Variants in TCTN2 observed in about 807,000 individuals in gnomAD.
TCTN2 encodes tectonic-2.
In TCTN2, 66 loss-of-function variants were observed where a neutral mutation model predicts 83.4. The observed-to-expected ratio is 0.79, with a 90% CI of 0.65 to 0.97. The LOEUF (loss-of-function observed/expected upper bound fraction) is 0.97. Among genes scored for constraint, TCTN2 ranks in the 50% least tolerant of loss-of-function variants. The pLI, the probability that TCTN2 is intolerant of heterozygous loss-of-function variation, is 0.00. For missense variants in TCTN2, 794 were observed against 858.1 expected (o/e 0.93, Z 0.93); for synonymous variants, 301 against 326.7 (o/e 0.92, Z 0.85).
Position 123,694,907 on chromosome 12 carries a change from T to C in TCTN2, c.1165T>C (p.Trp389Arg), listed in dbSNP as rs200080239. 5.6e-6 allele frequency: 9 copies of C among 1,613,432 alleles called. No individual in the cohort carries two copies. In the Admixed American group the frequency reaches 1.3e-4, roughly 24 times the overall value. Reference sequence around the variant, plus strand: ...TGTGGAAGAACATTATATTTTCAAATGGAATAATAATACCATCAGTGAAAT... The same window carrying C: ...TGTGGAAGAACATTATATTTTCAAACGGAATAATAATACCATCAGTGAAAT... Reference protein sequence around the residue: ...VNVEEHYIFKWNNNTISEINV... With the variant: ...VNVEEHYIFKRNNNTISEINV... The change falls in exon 10 of 18, where the codon TGG becomes CGG. Residue 389 changes from tryptophan to arginine, a missense_variant. Coordinates refer to ENST00000303372, the MANE Select transcript of TCTN2 (RefSeq NM_024809.5).
chr12:123,691,722 T>C (rs1956043324), intron 8 of TCTN2, among the ~76,000 whole-genome samples: 1 of 140,002 alleles, frequency 7.1e-6, no homozygotes, highest in Non-Finnish European at 1.6e-5. Context: ...CCAAATTGTT[T>C]TTTTTTTGTT....
rs757778299 is a variant in TCTN2 at position 123,673,700 on chromosome 12, G to C, written c.353G>C (p.Cys118Ser). 5.6e-6 allele frequency: 9 copies of C among 1,614,070 alleles called. No homozygotes were observed. Among genetic ancestry groups the C allele is most frequent in the Middle Eastern group, 1.6e-4 (1 of 6,084 alleles). The change falls in exon 4 of 18, where the codon TGT becomes TCT. Residue 118 changes from cysteine (C) to serine (S), a missense_variant. Coordinates refer to ENST00000303372, the MANE Select transcript of TCTN2 (RefSeq NM_024809.5). ...NETDSFSESP[C>S]ILQTLLVSAS... ...ACAGATTCCTTCTCAGAGTCCCCCT[G>C]TATCCTCCAGACCCTTCTGGTTTCA...
chr12:123,671,709 C>T (rs866911289), intron 2 of TCTN2, 95 bp downstream of exon 2: 2 of 1,049,812 alleles, frequency 1.9e-6, no homozygotes, highest in Middle Eastern at 2.2e-4. Flanking sequence ...GGCCCCCTGC[C>T]TCTGTTCTCT....
At chr12:123,693,540 C>A (rs1191230226) in intron 9 of TCTN2, among the ~76,000 whole-genome samples, 2 of 150,404 alleles carry the variant, frequency 1.3e-5, no homozygotes, top group Non-Finnish European at 2.9e-5. Context: ...ATAACCTCCA[C>A]TTCCTGGGTT....
intron 14 of TCTN2, among the ~76,000 whole-genome samples, chr12:123,702,293 A>T (rs1486634096): frequency 1.3e-5 from 2 of 152,042 alleles, no homozygotes; most frequent in Non-Finnish European, 2.9e-5. Flanking sequence ...GTGGGTAGGG[A>T]TCAGCCCTCT....
chr12:123,706,745 C>A lies in TCTN2; in HGVS notation c.1789C>A (p.Gln597Lys), dbSNP rs1046818295. 3 of 1,614,162 alleles carry A rather than the reference C, an allele frequency of 1.9e-6. No individual in the cohort carries two copies. Among genetic ancestry groups the A allele is most frequent in the African/African-American group, 1.3e-5 (1 of 75,044 alleles). ...TCCTAGGTTCTCCTCAGTGAACTGG[C>A]AGTACCAGTGTGGGCTTACCTGTGA... is the stretch of plus-strand genomic sequence containing the variant. Reference protein sequence around the residue: ...VETRFSSVNWQYQCGLTCEHK... With the variant: ...VETRFSSVNWKYQCGLTCEHK... Residue 597 changes from glutamine to lysine, a missense_variant, in exon 16 of 18, where the codon CAG becomes AAG. Gln to Lys is a moderately conservative substitution (Grantham distance 53). Coordinates refer to ENST00000303372, the MANE Select transcript of TCTN2 (RefSeq NM_024809.5).
At chr12:123,681,729 A>G (rs549906039) in intron 5 of TCTN2, among the ~76,000 whole-genome samples, 1 of 152,108 alleles carries the variant, frequency 6.6e-6, no homozygotes, top group Non-Finnish European at 1.5e-5. Context: ...TTGTGTGAAC[A>G]TATGTTTCCA....
intron 5 of TCTN2, among the ~76,000 whole-genome samples, chr12:123,686,086 T>C (rs1289977524): frequency 6.6e-6 from 1 of 151,712 alleles, no homozygotes; most frequent in Admixed American, 6.6e-5. Flanking sequence ...CTCACTGTGT[T>C]TCCCAGGATG....
intron 5 of TCTN2, among the ~76,000 whole-genome samples, chr12:123,686,147 A>C (rs570844869): frequency 6.6e-6 from 1 of 152,000 alleles, no homozygotes; most frequent in African/African-American, 2.4e-5. Flanking sequence ...CCTGGGCTCA[A>C]GCAATTCTCA....
At chr12:123,692,794 C>T in intron 9 of TCTN2, 71 bp downstream of exon 9, 1 of 1,168,496 alleles carries the variant, frequency 8.6e-7, no homozygotes, top group Non-Finnish European at 1.3e-6. Context: ...TAATATATAC[C>T]CTCAGAGTGT....
chr12:123,694,387 C>T (rs983922335), intron 9 of TCTN2, among the ~76,000 whole-genome samples: 2 of 152,214 alleles, frequency 1.3e-5, no homozygotes, highest in Non-Finnish European at 1.5e-5. Flanking sequence ...CCTCGGCCTC[C>T]CCAAGTGCTG....
Position 123,695,281 on chromosome 12 carries a change from A to T in TCTN2, c.1296A>T (p.Glu432Asp). The T allele has an allele frequency of 2.5e-6, 4 of 1,579,610 alleles. No individual in the cohort carries two copies. Among genetic ancestry groups the T allele is most frequent in the Middle Eastern group, 1.7e-4 (1 of 5,982 alleles). The change falls in exon 11 of 18, where the codon GAA becomes GAT. Residue 432 changes from glutamate (E) to aspartate (D), a missense_variant. Coordinates refer to ENST00000303372, the MANE Select transcript of TCTN2 (RefSeq NM_024809.5). ...FLSYNSGNEE[E>D]LSGNPGYQLG... ...GCTATAATAGTGGTAATGAAGAAGAATTATCTGGAAATCCAGGTAAGATGA... is the reference window on the plus strand; with the variant it reads ...GCTATAATAGTGGTAATGAAGAAGATTTATCTGGAAATCCAGGTAAGATGA...
intron 5 of TCTN2, 122 bp downstream of exon 5, chr12:123,679,411 G>A: frequency 1.1e-6 from 1 of 913,056 alleles, no homozygotes; most frequent in Non-Finnish European, 1.8e-6. Context: ...ACCCAGGCTG[G>A]AGTATGGTGA....
At chr12:123,682,381 C>A (rs1955909343) in intron 5 of TCTN2, among the ~76,000 whole-genome samples, 1 of 152,102 alleles carries the variant, frequency 6.6e-6, no homozygotes, top group African/African-American at 2.4e-5. Flanking sequence ...CTGTTTATAC[C>A]CTTCACCCGT....
chr12:123,671,437 C>G (rs1335493156), intron 1 of TCTN2, 70 bp from the exon 2 acceptor site: 2 of 1,588,644 alleles, frequency 1.3e-6, no homozygotes, highest in Non-Finnish European at 1.7e-6. Flanking sequence ...CAAAGCAAGC[C>G]GCCACACACA....
At chr12:123,683,307 G>T (rs1255124540) in intron 5 of TCTN2, among the ~76,000 whole-genome samples, 1 of 151,748 alleles carries the variant, frequency 6.6e-6, no homozygotes, top group Non-Finnish European at 1.5e-5. Flanking sequence ...TTGAGACAGA[G>T]CCTTGTTCTG....
intron 9 of TCTN2, 25 bp from the exon 10 acceptor site, chr12:123,694,817 T>G (rs1161304981): frequency 6.2e-7 from 1 of 1,607,176 alleles, no homozygotes; most frequent in Admixed American, 1.7e-5. Flanking sequence ...GTCTTTAATT[T>G]ATGAACATAT....
rs1158108991 is a variant in TCTN2, at chr12:123,671,998, A to G, written c.191-58A>G. On this transcript the variant is annotated intron_variant, in intron 2 of 17. Coordinates refer to ENST00000303372, the MANE Select transcript of TCTN2 (RefSeq NM_024809.5). ...AGTCCATCCTAGGCAGTCTGACTCA[A>G]TGCACCCCCTGAGCTGCTGGACCTT... is the stretch of plus-strand genomic sequence containing the variant. 39 of 1,451,094 alleles carry G rather than the reference A, an allele frequency of 2.7e-5. No homozygotes were observed. In the East Asian group the frequency reaches 2.7e-4, roughly 10 times the overall value. The allele number at this position is 1,451,094 out of a possible 1,614,324, so 89.9% of individuals were successfully genotyped here.
rs1566252816 is a variant in TCTN2, at chr12:123,688,116, T to C, written c.830T>C (p.Phe277Ser). 2.5e-6 allele frequency: 4 copies of C among 1,614,202 alleles called. No individual in the cohort carries two copies. The highest frequency in any genetic ancestry group is 1.7e-6 in the Non-Finnish European group (2 of 1,180,012). ...VDTDAKDFADFGYKQGDPIMT... is the reference protein window; with the variant it reads ...VDTDAKDFADSGYKQGDPIMT... Reference sequence around the variant, plus strand: ...ACTGACGCAAAAGACTTTGCAGACTTTGGTTACAAACAAGGAGATCCCATT... The same window carrying C: ...ACTGACGCAAAAGACTTTGCAGACTCTGGTTACAAACAAGGAGATCCCATT... The change falls in exon 7 of 18, where the codon TTT (phenylalanine) becomes TCT (serine). Residue 277 changes from phenylalanine (F) to serine (S), a missense_variant. Transcript: ENST00000303372.
Sources: allele counts gnomAD v4.1 joint callset (sites outside exome capture counted in the v4.1 genomes callset), GRCh38; gene constraint gnomAD v4.1.1; transcripts MANE v1.5; gene names NCBI Gene and HGNC (gene_info 2026-07-23, HGNC 2026-07-21).